HERC2: variants seen among roughly 807,000 people sequenced by gnomAD.
The protein encoded by HERC2 is E3 ubiquitin-protein ligase HERC2.
In HERC2, 102 loss-of-function variants were observed where a neutral mutation model predicts 537.7. That is an observed-to-expected ratio of 0.19 (90% CI 0.16 to 0.22). HERC2 has a LOEUF of 0.22. Ranked by LOEUF, HERC2 falls within the 10% of genes least tolerant of loss-of-function variation. The probability of loss-of-function intolerance (pLI) is 1.00; values close to 1 mark genes in which losing one functional copy is unlikely to be tolerated. For synonymous variants in HERC2, 2,224 were observed against 2,466.2 expected (o/e 0.90, Z 2.91); for missense variants, 4,236 against 6,198.2 (o/e 0.68, Z 10.63).
intron 30 of HERC2, 39 bp downstream of exon 30, chr15:28,233,107 C>T (rs1361514458): frequency 1.3e-6 from 2 of 1,523,194 alleles, no homozygotes; most frequent in Non-Finnish European, 1.8e-6. Context: ...GGGTGAAGCA[C>T]AAGCTTTAAT....
At chr15:28,232,798 G>C (rs966038572) in intron 30 of HERC2, among the ~76,000 whole-genome samples, 2 of 152,104 alleles carry the variant, frequency 1.3e-5, no homozygotes, top group African/African-American at 2.4e-5. Flanking sequence ...TTAGAAGAAT[G>C]GCAATAAGTT....
At chr15:28,287,074 G>A (rs1309508518) in intron 4 of HERC2, among the ~76,000 whole-genome samples, 1 of 152,126 alleles carries the variant, frequency 6.6e-6, no homozygotes, top group African/African-American at 2.4e-5. Flanking sequence ...CAACTTTTCT[G>A]TATAATTTTT....
At chr15:28,171,559 C>T (rs1894697795) in intron 65 of HERC2, among the ~76,000 whole-genome samples, 1 of 152,004 alleles carries the variant, frequency 6.6e-6, no homozygotes, top group Admixed American at 6.6e-5. Context: ...AAAGCAGATG[C>T]TGCTGGAGCC....
intron 56 of HERC2, 28 bp downstream of exon 56, chr15:28,186,549 G>A (rs1445545842): frequency 6.3e-7 from 1 of 1,594,456 alleles, no homozygotes; most frequent in African/African-American, 1.3e-5. Context: ...CGGGAGGTAA[G>A]TGAGCACCTG....
chr15:28,150,857 A>AAGC (rs1892377947), intron 70 of HERC2, among the ~76,000 whole-genome samples: 1 of 152,220 alleles, frequency 6.6e-6, no homozygotes. Flanking sequence ...GACATGATCC[A>AAGC]AGGCTTTAAT....
At chr15:28,133,852 C>A (rs934808967) in intron 79 of HERC2, among the ~76,000 whole-genome samples, 1 of 152,196 alleles carries the variant, frequency 6.6e-6, no homozygotes. Flanking sequence ...ATCTGTCTCT[C>A]TCTTTTTGCC....
chr15:28,272,900 G>C lies in HERC2; in HGVS notation c.905C>G (p.Thr302Arg), dbSNP rs150363648. Residue 302 changes from threonine to arginine, a missense_variant, in exon 8 of 93, where the codon ACG (threonine) becomes AGG (arginine). Around this residue, in one of 27 missense-constraint regions of HERC2, gnomAD observed 491 missense variants for 559.3 expected, o/e 0.88. Transcript: ENST00000261609. The part of the protein sequence containing the change: ...ILLELAVQRG[T>R]LSQMLSAILL... ...CGTCTGCGGCAGCCCTCACCTCAGC[G>C]TGCCTCTCTGCACAGCCAGCTCCAG... 6.2e-7 allele frequency: 1 copy of C among 1,608,866 alleles called. No homozygotes were observed. The highest frequency in any genetic ancestry group is 8.5e-7 in the Non-Finnish European group (1 of 1,178,598).
intron 92 of HERC2, 110 bp downstream of exon 92, chr15:28,112,961 A>G: frequency 1.2e-6 from 1 of 800,614 alleles, no homozygotes; most frequent in South Asian, 1.8e-5. Flanking sequence ...CATTTCTGTA[A>G]AGACTCAAGA....
intron 52 of HERC2, among the ~76,000 whole-genome samples, chr15:28,195,234 T>TC (rs1897243309): frequency 6.6e-6 from 1 of 152,040 alleles, no homozygotes; most frequent in African/African-American, 2.4e-5. Context: ...ACTAAAAATG[T>TC]ATATAACATA....
At chr15:28,230,535 T>C (rs772740913) in intron 30 of HERC2, 35 bp from the exon 31 acceptor site, 3 of 1,063,648 alleles carry the variant, frequency 2.8e-6, no homozygotes, top group Non-Finnish European at 4.2e-6. Context: ...ATAAAAATCA[T>C]ACACTTAAAT....
At chr15:28,168,116 G>A (rs1894332305) in intron 67 of HERC2, among the ~76,000 whole-genome samples, 1 of 152,192 alleles carries the variant, frequency 6.6e-6, no homozygotes, top group South Asian at 2.1e-4. Flanking sequence ...CTTCGAGTTG[G>A]TTCTTTCCCC....
intron 45 of HERC2, 77 bp downstream of exon 45, chr15:28,206,163 G>A: frequency 1.0e-6 from 1 of 959,022 alleles, no homozygotes; most frequent in Non-Finnish European, 1.6e-6. Flanking sequence ...AGATCCTTAA[G>A]AAAATATACA....
chr15:28,317,389 G>A (rs914363372), intron 2 of HERC2, among the ~76,000 whole-genome samples: 6 of 152,114 alleles, frequency 3.9e-5, no homozygotes, highest in African/African-American at 9.7e-5. Context: ...GCGCCCAGCC[G>A]AAGTGACAAT....
At position 28,269,379 on chromosome 15, in the gene HERC2, C is replaced by T; in HGVS notation, c.1315G>A (p.Val439Met). Residue 439 changes from valine (V) to methionine (M), a missense_variant, in exon 11 of 93, where the codon GTG (valine) becomes ATG (methionine). Physicochemically the swap from Val to Met is conservative, Grantham distance 21. This residue lies in a region of HERC2 where 491 missense variants were observed against 559.3 expected (regional missense o/e 0.88). Transcript: ENST00000261609. Reference sequence around the variant, plus strand: ...CCTTCGCACTGGATTGGACCAATCACATTGGCATAGTATTTCCATCCTATT... The same window carrying T: ...CCTTCGCACTGGATTGGACCAATCATATTGGCATAGTATTTCCATCCTATT... Reference protein sequence around the residue: ...GLIGWKYYANVIGPIQCEGLA... With the variant: ...GLIGWKYYANMIGPIQCEGLA... 1 of 1,614,186 alleles carries T rather than the reference C, an allele frequency of 6.2e-7. No homozygotes were observed. The highest frequency in any genetic ancestry group is 8.5e-7 in the Non-Finnish European group (1 of 1,180,018).
At chr15:28,187,720 T>G (rs549987096) in intron 55 of HERC2, among the ~76,000 whole-genome samples, 66 of 152,318 alleles carry the variant, frequency 4.3e-4, no homozygotes, top group African/African-American at 1.5e-3. Flanking sequence ...TATGCTACAG[T>G]GATCAAACTT....
chr15:28,321,484 C>G lies in HERC2; in HGVS notation c.-31-20G>C, dbSNP rs7402161. ...TCAGGCCTGCAAGTAAACACATACG[C>G]TGAAGACCTAACGCTTTTTAATAGT... On this transcript the variant is annotated intron_variant, in intron 1 of 92. Transcript: ENST00000261609. 1 of 1,065,616 alleles carries G rather than the reference C, an allele frequency of 9.4e-7. No homozygotes were observed. Among genetic ancestry groups the G allele is most frequent in the Non-Finnish European group, 1.4e-6 (1 of 706,272 alleles). The allele number at this position is 1,065,616 out of a possible 1,614,324, so 66.0% of individuals were successfully genotyped here.
rs368374484 is a variant in HERC2, at chr15:28,242,453, G to T, written c.3577+3428C>A. On this transcript the variant is annotated intron_variant, in intron 23 of 92. Transcript: ENST00000261609. The stretch of plus-strand genomic sequence containing the variant: ...CCAGTGTTTCCCTCGACAAACTAAC[G>T]TTCTCTGGTGGATAGATGGAAACTA... Among the ~76,000 whole-genome samples the T allele has an allele frequency of 1.1e-4, 17 of 152,140 alleles. No homozygotes were observed. In the East Asian group the frequency reaches 1.9e-3, roughly 17 times the overall value.
At chr15:28,256,059 T>C (rs1436262739) in intron 18 of HERC2, 30 bp downstream of exon 18, 1 of 1,604,350 alleles carries the variant, frequency 6.2e-7, no homozygotes, top group African/African-American at 1.3e-5. Context: ...CCCTGACCCA[T>C]GCCCTCTCCT....
At chr15:28,231,708 A>T (rs1430671716) in intron 30 of HERC2, among the ~76,000 whole-genome samples, 1 of 152,130 alleles carries the variant, frequency 6.6e-6, no homozygotes, top group Non-Finnish European at 1.5e-5. Context: ...GCAGTAAAAA[A>T]ACACAGCTGT....
Sources: gnomAD v4.1 joint callset for allele counts (sites outside exome capture counted in the v4.1 genomes callset) on GRCh38, gnomAD v4.1.1 for gene constraint, gnomAD v4.1.1 regional missense constraint, MANE v1.5 for transcripts, NCBI Gene and HGNC (gene_info 2026-07-23, HGNC 2026-07-21) for gene names.